The following RNASEH1 variants were observed in gnomAD, a reference collection of about 807,000 sequenced individuals.
RNASEH1 encodes the protein ribonuclease H type II.
A neutral mutation model predicts 34.6 loss-of-function variants in RNASEH1; 27 were observed. The observed-to-expected ratio is 0.78, with a 90% CI of 0.58 to 1.08. The LOEUF (loss-of-function observed/expected upper bound fraction) is 1.08, where lower values mean the gene tolerates loss of function less well. Among genes scored for constraint, RNASEH1 ranks in the 50% least tolerant of loss-of-function variants. The probability of loss-of-function intolerance (pLI) is 0.00; values close to 1 mark genes in which losing one functional copy is unlikely to be tolerated. For synonymous variants in RNASEH1, 162 were observed against 138.4 expected (o/e 1.17, Z -1.20); for missense variants, 349 against 373.6 (o/e 0.93, Z 0.54).
chr2:3,548,640 C>G lies in RNASEH1; in HGVS notation c.649G>C (p.Gly217Arg). ...LYTDSMFTINGITNWVQGWKK... is the reference protein window; with the variant it reads ...LYTDSMFTINRITNWVQGWKK... ...GAAGAAATCAAATGTGAAAGCTTAC[C>G]ATTTATCGTAAACATACTGTCTGTA... The change falls in exon 6 of 8, where the codon GGT becomes CGT. Residue 217 changes from glycine to arginine, a missense_variant and splice_region_variant. Transcript: ENST00000315212. 1.9e-6 allele frequency: 3 copies of G among 1,569,282 alleles called. No homozygotes were observed. The highest frequency in any genetic ancestry group is 2.6e-6 in the Non-Finnish European group (3 of 1,142,248).
chr2:3,538,985 G>T (rs1180685271), downstream of RNASEH1, among the ~76,000 whole-genome samples: 1 of 152,040 alleles, frequency 6.6e-6, no homozygotes, highest in Non-Finnish European at 1.5e-5. Flanking sequence ...ATTCCTAAAG[G>T]GCCATGAGTA....
chr2:3,552,391 TTTAG>T (rs1464838412), intron 2 of RNASEH1, 83 bp from the exon 3 acceptor site: 1 of 1,345,976 alleles, frequency 7.4e-7, no homozygotes, highest in Non-Finnish European at 1.0e-6. Context: ...CAGTAAATTA[TTTAG>T]TATCATTAAA....
chr2:3,554,346 A>G (rs1337877501), intron 2 of RNASEH1, among the ~76,000 whole-genome samples: 2 of 152,188 alleles, frequency 1.3e-5, no homozygotes, highest in Non-Finnish European at 2.9e-5. Flanking sequence ...AGAGATGGAC[A>G]CTTTACAGAA....
Position 3,552,181 on chromosome 2 carries a change from C to T in RNASEH1, c.372G>A (p.Pro124=), listed in dbSNP as rs771774832. The change falls in exon 3 of 8, where the codon CCG becomes CCA. Residue 124 remains proline (P), a synonymous_variant. Coordinates refer to ENST00000315212, the MANE Select transcript of RNASEH1 (RefSeq NM_002936.6). ...YAKHMKPSVE[P]APPVSRDTFS... Reference sequence around the variant, plus strand: ...ACGTGTCTCTGCTAACTGGAGGCGCCGGCTCCACGCTCGGCTTCATGTGCT... The same window carrying T: ...ACGTGTCTCTGCTAACTGGAGGCGCTGGCTCCACGCTCGGCTTCATGTGCT... 1.9e-5 allele frequency: 31 copies of T among 1,611,590 alleles called. No homozygotes were observed. Among genetic ancestry groups the T allele is most frequent in the Admixed American group, 5.0e-5 (3 of 59,862 alleles).
intron 3 of RNASEH1, 27 bp from the exon 4 acceptor site, chr2:3,550,499 T>C (rs1659749113): frequency 1.9e-6 from 3 of 1,561,688 alleles, no homozygotes; most frequent in Middle Eastern, 1.7e-4. Context: ...TACATGCTGC[T>C]GGGCTGACCT....
rs1053826101 is a variant in RNASEH1 at position 3,545,144 on chromosome 2, A to G, written c.*641T>C. On this transcript the variant is annotated 3_prime_UTR_variant, in exon 8 of 8. Transcript: ENST00000315212. The stretch of plus-strand genomic sequence containing the variant: ...AACGAAAGAGCCAAATAAATTTTTG[A>G]AAGTTTATTTATGCTTCTTGGTCTT... 1.3e-5 allele frequency: 2 copies of G among 150,210 alleles called. No individual in the cohort carries two copies. Among genetic ancestry groups the G allele is most frequent in the African/African-American group, 4.9e-5 (2 of 40,746 alleles). 9.3% of individuals were successfully genotyped at this position (150,210 alleles called of 1,614,324 possible). A position where few individuals can be genotyped will look rare whatever the true frequency, so the allele number is the denominator to read the frequency against.
the RNASEH1 span, chr2:3,532,405 C>T: frequency 5.7e-6 from 4 of 699,890 alleles, no homozygotes; most frequent in Non-Finnish European, 1.0e-5. Context: ...CAGTCACTCA[C>T]TGAAACATGC....
In RNASEH1 at chr2:3,552,182, G is replaced by T; in HGVS notation, c.371C>A (p.Pro124Gln). Residue 124 changes from proline to glutamine, a missense_variant, in exon 3 of 8, where the codon CCG becomes CAG. By Grantham distance (76) the Pro-to-Gln change is moderately conservative. Coordinates refer to ENST00000315212, the MANE Select transcript of RNASEH1 (RefSeq NM_002936.6). ...YAKHMKPSVE[P>Q]APPVSRDTFS... ...CGTGTCTCTGCTAACTGGAGGCGCC[G>T]GCTCCACGCTCGGCTTCATGTGCTT... is the stretch of plus-strand genomic sequence containing the variant. 6.2e-7 allele frequency: 1 copy of T among 1,611,820 alleles called. No individual in the cohort carries two copies. The highest frequency in any genetic ancestry group is 1.7e-5 in the Admixed American group (1 of 59,904).
At position 3,552,141 on chromosome 2, in the gene RNASEH1, T is replaced by G; in HGVS notation, c.409+3A>C. ...AAAATCTGAAAACCCAAGGAAGATG[T>G]ACCCATGTAGGAAAACGTGTCTCTG... On this transcript the variant is annotated splice_donor_region_variant and intron_variant, in intron 3 of 7. Transcript: ENST00000315212. 6.2e-7 allele frequency: 1 copy of G among 1,605,684 alleles called. No homozygotes were observed. The highest frequency in any genetic ancestry group is 8.5e-7 in the Non-Finnish European group (1 of 1,177,776).
chr2:3,553,152 G>A (rs1000739279), intron 2 of RNASEH1, among the ~76,000 whole-genome samples: 3 of 151,898 alleles, frequency 2.0e-5, no homozygotes, highest in African/African-American at 7.2e-5. Flanking sequence ...GGAGGCTGAG[G>A]CAGGAGAATG....
rs1660733364 is a variant in RNASEH1, at chr2:3,558,181, A to T, written c.80T>A (p.Met27Lys). The T allele has an allele frequency of 6.2e-7, 1 of 1,602,900 alleles. No individual in the cohort carries two copies. Among genetic ancestry groups the T allele is most frequent in the Non-Finnish European group, 8.5e-7 (1 of 1,176,368 alleles). Residue 27 changes from methionine to lysine, a missense_variant, in exon 1 of 8, where the codon ATG becomes AAG. Around this residue, in one of 2 missense-constraint regions of RNASEH1, gnomAD observed 256 missense variants for 240.7 expected, o/e 1.06. Coordinates refer to ENST00000315212, the MANE Select transcript of RNASEH1 (RefSeq NM_002936.6). Reference protein sequence around the residue: ...PCRRGSRGFGMFYAVRRGRKT... With the variant: ...PCRRGSRGFGKFYAVRRGRKT... ...GCGGCCCCTCCTCACGGCATAGAAC[A>T]TCCCGAACCCGCGAGAGCCGCGGCG...
the RNASEH1 span, among the ~76,000 whole-genome samples, chr2:3,535,007 G>A: frequency 0.1 from 15,827 of 152,242 alleles, 893 homozygotes; most frequent in Middle Eastern, 0.16. Context: ...TGGGGAGTCC[G>A]TGTCCAACAC....
At chr2:3,548,563 G>A (rs1377484835) in intron 6 of RNASEH1, 77 bp downstream of exon 6, 5 of 946,174 alleles carry the variant, frequency 5.3e-6, no homozygotes, top group Non-Finnish European at 8.4e-6. Context: ...TTTGGGTCCT[G>A]CCCTGTTACA....
chr2:3,557,121 C>T (rs1323273711), intron 1 of RNASEH1, among the ~76,000 whole-genome samples: 1 of 152,208 alleles, frequency 6.6e-6, no homozygotes, highest in African/African-American at 2.4e-5. Flanking sequence ...CATCTTCTTG[C>T]ATGCTTTAAA....
Position 3,550,610 on chromosome 2 carries a change from A to G in RNASEH1, c.410-138T>C, listed in dbSNP as rs1314180229. On this transcript the variant is annotated intron_variant, in intron 3 of 7. Coordinates refer to ENST00000315212, the MANE Select transcript of RNASEH1 (RefSeq NM_002936.6). ...GCTGCAGACGTTTTCTCTCTAGGAAAACATGCTCCATTCCTTACAAGGGGG... is the reference window on the plus strand; with the variant it reads ...GCTGCAGACGTTTTCTCTCTAGGAAGACATGCTCCATTCCTTACAAGGGGG... 7.4e-6 allele frequency: 5 copies of G among 675,160 alleles called. No individual in the cohort carries two copies. The East Asian group carries it at 1.3e-4, about 18-fold the overall frequency. 41.8% of individuals were successfully genotyped at this position (675,160 alleles called of 1,614,324 possible).
chr2:3,552,788 G>A (rs1245162672), intron 2 of RNASEH1, among the ~76,000 whole-genome samples: 2 of 151,884 alleles, frequency 1.3e-5, no homozygotes, highest in Non-Finnish European at 1.5e-5. Flanking sequence ...GCTTGAGCCC[G>A]GGTTTGAATC....
rs1668331354 is a variant in RNASEH1, at chr2:3,541,836, A to G, written c.*3949T>C. Among the ~76,000 whole-genome samples the G allele has an allele frequency of 6.6e-6, 1 of 152,150 alleles. No individual in the cohort carries two copies. The highest frequency in any genetic ancestry group is 1.5e-5 in the Non-Finnish European group (1 of 68,022). On this transcript the variant is annotated 3_prime_UTR_variant, in exon 8 of 8. Transcript: ENST00000315212. ...ATGTGCAGTTCATTACCTGTCAGTT[A>G]CACCTCAACAGAGCTGTTTTAAAAA...
intron 4 of RNASEH1, among the ~76,000 whole-genome samples, chr2:3,549,949 A>G (rs756273302): frequency 1.2e-4 from 14 of 113,568 alleles, no homozygotes; most frequent in South Asian, 2.7e-4. Flanking sequence ...CCGTCTCAGG[A>G]AAAAAAAAAA....
In RNASEH1 at chr2:3,552,144, C is replaced by T; in HGVS notation, c.409G>A (p.Gly137Arg). 1.9e-6 allele frequency: 3 copies of T among 1,607,048 alleles called. No homozygotes were observed. Among genetic ancestry groups the T allele is most frequent in the Non-Finnish European group, 2.5e-6 (3 of 1,178,208 alleles). The change falls in exon 3 of 8, where the codon GGA becomes AGA. Residue 137 changes from glycine (G) to arginine (R), a missense_variant and splice_region_variant. Gly to Arg is a moderately radical substitution (Grantham distance 125). Around this residue, in one of 2 missense-constraint regions of RNASEH1, gnomAD observed 256 missense variants for 240.7 expected, o/e 1.06. Coordinates refer to ENST00000315212, the MANE Select transcript of RNASEH1 (RefSeq NM_002936.6). Reference sequence around the variant, plus strand: ...ATCTGAAAACCCAAGGAAGATGTACCCATGTAGGAAAACGTGTCTCTGCTA... The same window carrying T: ...ATCTGAAAACCCAAGGAAGATGTACTCATGTAGGAAAACGTGTCTCTGCTA... ...PVSRDTFSYM[G>R]DFVVVYTDGC...
Sources: gnomAD v4.1 joint callset for allele counts (sites outside exome capture counted in the v4.1 genomes callset) on GRCh38, gnomAD v4.1.1 for gene constraint, gnomAD v4.1.1 regional missense constraint, MANE v1.5 for transcripts, NCBI Gene and HGNC (gene_info 2026-07-23, HGNC 2026-07-21) for gene names.